PKIB: variants seen among roughly 807,000 people sequenced by gnomAD.
PKIB encodes cAMP-dependent protein kinase inhibitor beta.
Under a neutral mutation model 4.5 loss-of-function variants are expected in PKIB, and 2 were observed. The ratio of observed to expected loss-of-function variants is 0.44; its 90% CI spans 0.18 to 1.39. The LOEUF (loss-of-function observed/expected upper bound fraction) is 1.39, where lower values mean the gene tolerates loss of function less well. PKIB is among the 40% of genes most tolerant of loss of function. PKIB has a pLI of 0.27. For synonymous variants in PKIB, 38 were observed against 36.0 expected (o/e 1.06, Z -0.20); for missense variants, 94 against 92.6 (o/e 1.02, Z -0.06).
At chr6:122,529,188 T>C (rs1777179937) in intron 2 of PKIB, among the ~76,000 whole-genome samples, 1 of 152,222 alleles carries the variant, frequency 6.6e-6, no homozygotes. Flanking sequence ...TGATGTGCTT[T>C]GATTTACTTC....
chr6:122,677,632 C>T (rs1404449630), intron 3 of PKIB, among the ~76,000 whole-genome samples: 1 of 152,178 alleles, frequency 6.6e-6, no homozygotes, highest in African/African-American at 2.4e-5. Context: ...ATTTCCTGAA[C>T]CAGAGAAGAC....
intron 2 of PKIB, among the ~76,000 whole-genome samples, chr6:122,495,318 A>G (rs1289740277): frequency 6.6e-6 from 1 of 151,906 alleles, no homozygotes; most frequent in Non-Finnish European, 1.5e-5. Context: ...TCCTCGGTGG[A>G]AGGCCCATAG....
chr6:122,691,823 T>C (rs919274903), intron 3 of PKIB, among the ~76,000 whole-genome samples: 1 of 152,172 alleles, frequency 6.6e-6, no homozygotes, highest in African/African-American at 2.4e-5. Flanking sequence ...GGCTTGTTTT[T>C]ACTTATCCTT....
At chr6:122,700,393 A>G (rs1778764593) in intron 3 of PKIB, among the ~76,000 whole-genome samples, 1 of 151,802 alleles carries the variant, frequency 6.6e-6, no homozygotes, top group Non-Finnish European at 1.5e-5. Flanking sequence ...CATCAGGGTT[A>G]GGGGTTTCCC....
intron 1 of PKIB, among the ~76,000 whole-genome samples, chr6:122,623,694 G>C (rs1304699195): frequency 6.6e-6 from 1 of 152,048 alleles, no homozygotes; most frequent in Non-Finnish European, 1.5e-5. Flanking sequence ...CTCAAGCCTT[G>C]CACCCAGACA....
intron 2 of PKIB, chr6:122,643,974 C>A (rs746271657): frequency 2.0e-5 from 3 of 151,444 alleles, no homozygotes; most frequent in Non-Finnish European, 2.9e-5. Flanking sequence ...TGCTGTAGTG[C>A]GGCTTAAAAA....
chr6:122,548,391 G>A (rs1436857232), intron 2 of PKIB, among the ~76,000 whole-genome samples: 1 of 152,038 alleles, frequency 6.6e-6, no homozygotes, highest in East Asian at 1.9e-4. Flanking sequence ...AAATCTCTTA[G>A]CAAATATTAA....
intron 2 of PKIB, among the ~76,000 whole-genome samples, chr6:122,507,662 C>T (rs1776451638): frequency 6.7e-6 from 1 of 148,940 alleles, no homozygotes; most frequent in Non-Finnish European, 1.5e-5. Context: ...GAAATCTTGG[C>T]TTAAAAATTT....
intron 3 of PKIB, among the ~76,000 whole-genome samples, chr6:122,677,446 T>C (rs1313753378): frequency 1.3e-5 from 2 of 152,214 alleles, no homozygotes; most frequent in Non-Finnish European, 2.9e-5. Context: ...CTGCTTACCA[T>C]ATATGGATGA....
intron 2 of PKIB, among the ~76,000 whole-genome samples, chr6:122,563,238 G>A (rs1047448380): frequency 6.6e-6 from 1 of 152,056 alleles, no homozygotes; most frequent in Non-Finnish European, 1.5e-5. Context: ...TCCCTCTTCT[G>A]GGTCTAGCCA....
intron 1 of PKIB, among the ~76,000 whole-genome samples, chr6:122,616,053 A>C (rs1774971802): frequency 6.6e-6 from 1 of 152,200 alleles, no homozygotes; most frequent in Non-Finnish European, 1.5e-5. Context: ...TTGTATAACA[A>C]GCTCAGAAGA....
intron 2 of PKIB, among the ~76,000 whole-genome samples, chr6:122,561,994 G>GTTTTTTTTGTTTT: frequency 2.4e-5 from 1 of 40,904 alleles, no homozygotes; most frequent in Non-Finnish European, 4.6e-5. Context: ...GTTTGTTTTT[G>GTTTTTTTTGTTTT]TTTTTTTTTG....
chr6:122,661,168 A>C (rs1283506160), intron 2 of PKIB, among the ~76,000 whole-genome samples: 1 of 152,154 alleles, frequency 6.6e-6, no homozygotes, highest in African/African-American at 2.4e-5. Flanking sequence ...ACCCAGCACT[A>C]ACATCCTCTG....
intron 4 of PKIB, among the ~76,000 whole-genome samples, chr6:122,722,151 A>T (rs1779770307): frequency 6.6e-6 from 1 of 152,198 alleles, no homozygotes; most frequent in Non-Finnish European, 1.5e-5. Context: ...TTTTCCTTTC[A>T]TTAACATCAC....
At chr6:122,576,689 A>AATATATATATATATATAT (rs1334771841) in intron 2 of PKIB, among the ~76,000 whole-genome samples, 2 of 34,314 alleles carry the variant, frequency 5.8e-5, no homozygotes, top group Non-Finnish European at 9.3e-5. Flanking sequence ...AAAAAAAAAA[A>AATATATATATATATATAT]ATATATATAT....
At chr6:122,650,314 T>C (rs969433978) in intron 2 of PKIB, among the ~76,000 whole-genome samples, 3 of 152,120 alleles carry the variant, frequency 2.0e-5, no homozygotes, top group Admixed American at 6.5e-5. Flanking sequence ...AATGGTGGCA[T>C]TGAGCTCTGC....
At chr6:122,494,834 A>C (rs1776032616) in intron 2 of PKIB, among the ~76,000 whole-genome samples, 1 of 152,060 alleles carries the variant, frequency 6.6e-6, no homozygotes, top group African/African-American at 2.4e-5. Flanking sequence ...TGAGGGAATG[A>C]GTGTCCCCAG....
intron 2 of PKIB, among the ~76,000 whole-genome samples, chr6:122,542,899 A>G (rs1414562920): frequency 5.9e-5 from 9 of 152,014 alleles, no homozygotes; most frequent in African/African-American, 1.9e-4. Flanking sequence ...TTGTTTACCT[A>G]ATCAAGCCTG....
chr6:122,479,933 A>G (rs764758370), intron 2 of PKIB: 13 of 152,224 alleles, frequency 8.5e-5, no homozygotes, highest in Non-Finnish European at 1.9e-4. Context: ...GCTTAAAGGT[A>G]TATAGAAAAA....
Sources: allele counts gnomAD v4.1 joint callset (sites outside exome capture counted in the v4.1 genomes callset), GRCh38; gene constraint gnomAD v4.1.1; transcripts MANE v1.5; gene names NCBI Gene and HGNC (gene_info 2026-07-23, HGNC 2026-07-21).